TNNI3K: variants seen among roughly 807,000 people sequenced by gnomAD.
The protein encoded by TNNI3K is TNNI3 interacting kinase, also known as serine/threonine-protein kinase TNNI3K.
TNNI3K carries 140 observed loss-of-function variants against 114.5 expected under a neutral mutation model. The observed-to-expected ratio is 1.22, with a 90% CI of 1.07 to 1.41. The LOEUF (loss-of-function observed/expected upper bound fraction) is 1.41, where lower values mean the gene tolerates loss of function less well. Among genes scored for constraint, TNNI3K ranks in the 40% most tolerant of loss-of-function variants. The pLI, the probability that TNNI3K is intolerant of heterozygous loss-of-function variation, is 0.00. For missense variants in TNNI3K, 1,125 were observed against 1,007.6 expected (o/e 1.12, Z -1.58); for synonymous variants, 347 against 347.5 (o/e 1.00, Z 0.02).
At chr1:74,384,782 A>G (rs1439767430) in intron 17 of TNNI3K, among the ~76,000 whole-genome samples, 1 of 152,112 alleles carries the variant, frequency 6.6e-6, no homozygotes, top group African/African-American at 2.4e-5. Context: ...TTAAATTTTT[A>G]TGTCTAAATT....
intron 2 of TNNI3K, among the ~76,000 whole-genome samples, chr1:74,242,279 CA>C (rs1198052525): frequency 1.3e-5 from 2 of 151,924 alleles, no homozygotes; most frequent in African/African-American, 2.4e-5. Context: ...TAATTATGTA[CA>C]AAAAAGTGGT....
chr1:74,380,956 A>G (rs1055532067), intron 17 of TNNI3K, among the ~76,000 whole-genome samples: 2 of 152,166 alleles, frequency 1.3e-5, no homozygotes, highest in African/African-American at 4.8e-5. Flanking sequence ...AATGAGAAAC[A>G]ATCTTAATAA....
chr1:74,282,659 T>G (rs1265549497), intron 5 of TNNI3K, among the ~76,000 whole-genome samples: 2 of 152,208 alleles, frequency 1.3e-5, no homozygotes, highest in Non-Finnish European at 2.9e-5. Context: ...GCAATTATCC[T>G]TGTCAGATTT....
In TNNI3K at chr1:74,348,342, G is replaced by A. The variant is rs146140612; in HGVS notation, c.933-4924G>A. Among the ~76,000 whole-genome samples the A allele has an allele frequency of 1.4e-3, 218 of 152,252 alleles. 2 individuals are homozygous for A. The highest frequency in any genetic ancestry group is 5.1e-3 in the African/African-American group (212 of 41,526). On this transcript the variant is annotated intron_variant, in intron 9 of 24. Transcript: ENST00000326637. ...GCATTATTTCTGAGGGCTCTGTTCT[G>A]TTCCATTGGTCTATATCTCTGTTTT...
At chr1:74,521,247 G>A (rs906877484) in intron 23 of TNNI3K, among the ~76,000 whole-genome samples, 1 of 152,136 alleles carries the variant, frequency 6.6e-6, no homozygotes, top group Non-Finnish European at 1.5e-5. Flanking sequence ...CATTTTCTCT[G>A]TGCGATCTTG....
chr1:74,296,642 G>C (rs752920502), intron 5 of TNNI3K, among the ~76,000 whole-genome samples: 29 of 151,430 alleles, frequency 1.9e-4, no homozygotes, highest in Non-Finnish European at 4.1e-4. Flanking sequence ...GGTTTTGCTT[G>C]TTAGAAAAAA....
chr1:74,403,664 G>A (rs1664477874), intron 17 of TNNI3K, among the ~76,000 whole-genome samples: 1 of 152,104 alleles, frequency 6.6e-6, no homozygotes, highest in South Asian at 2.1e-4. Context: ...GTTTACATAA[G>A]CTAAATATTT....
At chr1:74,305,926 A>C (rs1658607505) in intron 5 of TNNI3K, among the ~76,000 whole-genome samples, 1 of 152,124 alleles carries the variant, frequency 6.6e-6, no homozygotes, top group African/African-American at 2.4e-5. Context: ...GGTTACATGA[A>C]TATATTGCAT....
chr1:74,392,543 G>C (rs1663843787), intron 17 of TNNI3K, among the ~76,000 whole-genome samples: 1 of 152,152 alleles, frequency 6.6e-6, no homozygotes, highest in African/African-American at 2.4e-5. Flanking sequence ...GGTTCCATCA[G>C]TAACCCTACT....
chr1:74,375,410 T>A (rs2100535134), intron 17 of TNNI3K: 1 of 328,288 alleles, frequency 3.0e-6, no homozygotes, highest in South Asian at 2.3e-5. Flanking sequence ...GGGACTACAC[T>A]ACCTTCATAG....
chr1:74,243,038 A>G (rs927366335), intron 2 of TNNI3K, among the ~76,000 whole-genome samples: 1 of 152,172 alleles, frequency 6.6e-6, no homozygotes. Context: ...TAAAAATAAT[A>G]TCAATGCCTT....
rs142370509 is a variant in TNNI3K at position 74,450,595 on chromosome 1, C to T, written c.2011+10973C>T. Among the ~76,000 whole-genome samples, 1,311 of 152,148 alleles carry T rather than the reference C, an allele frequency of 8.6e-3. 22 individuals carry two copies. Among genetic ancestry groups the T allele is most frequent in the African/African-American group, 0.03 (1,232 of 41,510 alleles). ...TTAAAAAGTGGGCAAAGGACATGAA[C>T]AGACATGTCTCAAAAGAAGACATTT... On this transcript the variant is annotated intron_variant, in intron 20 of 24. Coordinates refer to ENST00000326637, the MANE Select transcript of TNNI3K (RefSeq NM_015978.3).
chr1:74,423,446 C>T (rs1354637597), intron 17 of TNNI3K, among the ~76,000 whole-genome samples: 1 of 152,082 alleles, frequency 6.6e-6, no homozygotes, highest in African/African-American at 2.4e-5. Context: ...CTGTATGACC[C>T]TGTCAAAGCA....
intron 11 of TNNI3K, among the ~76,000 whole-genome samples, chr1:74,360,586 G>T (rs1661909081): frequency 6.6e-6 from 1 of 151,996 alleles, no homozygotes; most frequent in Admixed American, 6.6e-5. Flanking sequence ...CCTTACATAT[G>T]TCATGTTATT....
chr1:74,491,200 G>A (rs1669055136), intron 22 of TNNI3K, among the ~76,000 whole-genome samples: 1 of 152,094 alleles, frequency 6.6e-6, no homozygotes, highest in Non-Finnish European at 1.5e-5. Context: ...GAGATAATTA[G>A]GGTGAGTCCA....
chr1:74,254,972 A>G (rs1655182349), intron 4 of TNNI3K, among the ~76,000 whole-genome samples: 1 of 152,168 alleles, frequency 6.6e-6, no homozygotes, highest in South Asian at 2.1e-4. Context: ...CGATATTATT[A>G]TCTTTAAAGC....
intron 23 of TNNI3K, among the ~76,000 whole-genome samples, chr1:74,504,238 C>G (rs1453821647): frequency 1.3e-5 from 2 of 152,182 alleles, no homozygotes; most frequent in African/African-American, 4.8e-5. Flanking sequence ...GGTGATAGGG[C>G]TCTATGTTAA....
chr1:74,464,612 A>G, intron 21 of TNNI3K: 2 of 1,550,696 alleles, frequency 1.3e-6, no homozygotes, highest in South Asian at 1.2e-5. Context: ...AGAGAATGCA[A>G]ATTTTCCATT....
At chr1:74,264,585 A>G (rs775237322) in intron 4 of TNNI3K, among the ~76,000 whole-genome samples, 21 of 152,098 alleles carry the variant, frequency 1.4e-4, no homozygotes, top group South Asian at 6.2e-4. Flanking sequence ...ACTTTTATTT[A>G]TATGTCCCTA....
Sources: allele counts gnomAD v4.1 joint callset (sites outside exome capture counted in the v4.1 genomes callset), GRCh38; gene constraint gnomAD v4.1.1; transcripts MANE v1.5; gene names NCBI Gene and HGNC (gene_info 2026-07-23, HGNC 2026-07-21).